ERBB2: variants seen among roughly 807,000 people sequenced by gnomAD.
ERBB2 encodes erb-b2 receptor tyrosine kinase 2, also known as receptor tyrosine-protein kinase erbB-2.
In ERBB2, 61 loss-of-function variants were observed where a neutral mutation model predicts 149.0. That is an observed-to-expected ratio of 0.41 (90% CI 0.33 to 0.51). ERBB2 has a LOEUF of 0.51. ERBB2 is among the 20% of genes least tolerant of loss of function. The pLI, the probability that ERBB2 is intolerant of heterozygous loss-of-function variation, is 0.25. For missense variants in ERBB2, 1,205 were observed against 1,655.1 expected (o/e 0.73, Z 4.72); for synonymous variants, 633 against 678.8 (o/e 0.93, Z 1.05).
Position 39,727,871 on chromosome 17 carries a change from C to A in ERBB2, c.3595C>A (p.Pro1199Thr), listed in dbSNP as rs779469693. 5.0e-6 allele frequency: 8 copies of A among 1,614,006 alleles called. No individual in the cohort carries two copies. The South Asian group carries it at 8.8e-5, about 18-fold the overall frequency. The change falls in exon 27 of 27, where the codon CCC becomes ACC. Residue 1199 changes from proline to threonine, a missense_variant. Physicochemically the swap from Pro to Thr is conservative, Grantham distance 38. Around this residue, in one of 6 missense-constraint regions of ERBB2, gnomAD observed 312 missense variants for 343.8 expected, o/e 0.91. Coordinates refer to ENST00000269571, the MANE Select transcript of ERBB2 (RefSeq NM_004448.4). The surrounding 1 kb of genome is among the most constrained non-coding windows in gnomAD (Gnocchi z 4.3). ...GAVENPEYLT[P>T]QGGAAPQPHP... is the part of the protein sequence containing the mutation. ...CGTGGAGAACCCCGAGTACTTGACA[C>A]CCCAGGGAGGAGCTGCCCCTCAGCC...
At chr17:39,706,923 A>G in intron 1 of ERBB2, 67 bp from the exon 2 acceptor site, 3 of 1,415,162 alleles carry the variant, frequency 2.1e-6, no homozygotes, top group Non-Finnish European at 2.8e-6. Context: ...GTGAGTTTGG[A>G]TGGGGTGGCC....
rs112561362 is a variant in ERBB2 at position 39,727,717 on chromosome 17, C to G, written c.3441C>G (p.Pro1147=). Residue 1147 remains proline (P), a synonymous_variant, in exon 27 of 27, where the codon CCC becomes CCG. Transcript: ENST00000269571. This position sits in a 1 kb window ranked among gnomAD's most constrained non-coding sequence, Gnocchi z 4.3. ...ATGTGAACCAGCCAGATGTTCGGCC[C>G]CAGCCCCCTTCGCCCCGAGAGGGCC... ...PEYVNQPDVR[P]QPPSPREGPL... is the part of the protein sequence containing the mutation. The G allele has an allele frequency of 1.3e-6, 2 of 1,567,572 alleles. No homozygotes were observed. Among genetic ancestry groups the G allele is most frequent in the African/African-American group, 2.7e-5 (2 of 73,738 alleles).
chr17:39,725,168 C>T lies in ERBB2; in HGVS notation c.2613C>T (p.Asp871=), dbSNP rs2145866914. The T allele has an allele frequency of 6.2e-7, 1 of 1,614,098 alleles. No homozygotes were observed. Among genetic ancestry groups the T allele is most frequent in the Non-Finnish European group, 8.5e-7 (1 of 1,180,034 alleles). ...ACTTCGGGCTGGCTCGGCTGCTGGA[C>T]ATTGACGAGACAGAGTACCATGCAG... ...ITDFGLARLL[D]IDETEYHADG... The change falls in exon 21 of 27, where the codon GAC becomes GAT. Residue 871 remains aspartate, a synonymous_variant. Transcript: ENST00000269571. The surrounding 1 kb of genome is among the most constrained non-coding windows in gnomAD (Gnocchi z 4.6).
At chr17:39,717,694 C>T in intron 15 of ERBB2, 1 of 454,724 alleles carries the variant, frequency 2.2e-6, no homozygotes, top group South Asian at 4.5e-5. Flanking sequence ...AAATATTTTT[C>T]CTCTAGTTAT....
At chr17:39,708,624 A>G in intron 3 of ERBB2, 90 bp downstream of exon 3, 4 of 1,025,388 alleles carry the variant, frequency 3.9e-6, no homozygotes, top group Non-Finnish European at 6.0e-6. Context: ...TGTGCATTAG[A>G]AATGGTGTCC....
upstream of ERBB2, among the ~76,000 whole-genome samples, chr17:39,691,556 A>AT (rs1555611661): frequency 0.045 from 3,767 of 84,126 alleles, 143 homozygotes; most frequent in East Asian, 0.05. Flanking sequence ...TAAAAAAAAA[A>AT]ATATATATAT....
At chr17:39,720,825 T>C (rs1231304323) in intron 16 of ERBB2, among the ~76,000 whole-genome samples, 1 of 152,126 alleles carries the variant, frequency 6.6e-6, no homozygotes, top group African/African-American at 2.4e-5. Flanking sequence ...AATTTTTGTA[T>C]TTTTAGTAGA....
At chr17:39,711,438 C>A (rs1041305663) in intron 7 of ERBB2, among the ~76,000 whole-genome samples, 2 of 151,970 alleles carry the variant, frequency 1.3e-5, no homozygotes, top group African/African-American at 4.8e-5. Flanking sequence ...GTGATCCACC[C>A]GCCTTGGTCT....
At chr17:39,694,294 TATATATGTGTATATATATATACAC>T (rs1420529677), upstream of ERBB2, among the ~76,000 whole-genome samples, 1 of 52,926 alleles carries the variant, frequency 1.9e-5, no homozygotes, top group Non-Finnish European at 4.2e-5. Context: ...TATATACACA[TATATATGTGTATATATATATACAC>T]ACACACATAT....
At chr17:39,694,427 G>A (rs1291340979), upstream of ERBB2, among the ~76,000 whole-genome samples, 1 of 150,740 alleles carries the variant, frequency 6.6e-6, no homozygotes, top group African/African-American at 2.4e-5. Context: ...TAGCACTGGT[G>A]GAGGGGTAGT....
intron 15 of ERBB2, chr17:39,717,790 A>ACACAC: frequency 5.8e-6 from 1 of 171,216 alleles, no homozygotes; most frequent in Non-Finnish European, 1.2e-5. Flanking sequence ...TGCACATTTT[A>ACACAC]ACACACACAC....
chr17:39,711,997 C>A lies in ERBB2; in HGVS notation c.971C>A (p.Ala324Glu). 6.2e-7 allele frequency: 1 copy of A among 1,614,138 alleles called. No individual in the cohort carries two copies. Among genetic ancestry groups the A allele is most frequent in the Non-Finnish European group, 8.5e-7 (1 of 1,180,014 alleles). ...VCPLHNQEVT[A>E]EDGTQRCEKC... ...CCCCTGCACAACCAAGAGGTGACAG[C>A]AGAGGATGGAACACAGCGGTGTGAG... Residue 324 changes from alanine (A) to glutamate (E), a missense_variant, in exon 8 of 27, where the codon GCA (alanine) becomes GAA (glutamate). This residue lies in a region of ERBB2 where 569 missense variants were observed against 803.5 expected (regional missense o/e 0.71). Coordinates refer to ENST00000269571, the MANE Select transcript of ERBB2 (RefSeq NM_004448.4).
intron 1 of ERBB2, among the ~76,000 whole-genome samples, chr17:39,702,160 T>C (rs1207716779): frequency 6.6e-6 from 1 of 152,218 alleles, no homozygotes; most frequent in Non-Finnish European, 1.5e-5. Flanking sequence ...ATTAGTTGGA[T>C]GTGATTACAC....
chr17:39,712,465 T>C lies in ERBB2; in HGVS notation c.1148+17T>C. The C allele has an allele frequency of 6.2e-7, 1 of 1,612,286 alleles. No individual in the cohort carries two copies. Among genetic ancestry groups the C allele is most frequent in the South Asian group, 1.1e-5 (1 of 90,604 alleles). ...CTTTGATGGGTAAGAGTGGGCACGA[T>C]GACCTGAGACAGTGTCAGGGCAGAC... On this transcript the variant is annotated intron_variant, in intron 9 of 26. Transcript: ENST00000269571.
chr17:39,703,656 G>A (rs914842596), intron 1 of ERBB2, among the ~76,000 whole-genome samples: 5 of 152,356 alleles, frequency 3.3e-5, no homozygotes, highest in East Asian at 1.9e-4. Context: ...AGATGAATCC[G>A]ATTTAGCTTC....
intron 5 of ERBB2, 94 bp from the exon 6 acceptor site, chr17:39,709,991 TC>T: frequency 6.7e-7 from 1 of 1,496,244 alleles, no homozygotes; most frequent in African/African-American, 1.4e-5. Flanking sequence ...TTGGGATGTC[TC>T]CCCTGGGCCA....
At chr17:39,709,291 GTCC>G in intron 3 of ERBB2, 24 bp from the exon 4 acceptor site, 1 of 1,613,722 alleles carries the variant, frequency 6.2e-7, no homozygotes, top group East Asian at 2.2e-5. Context: ...AGGGGAAAGG[GTCC>G]TCTGATCATT....
upstream of ERBB2, among the ~76,000 whole-genome samples, chr17:39,690,861 TAG>T (rs2057679464): frequency 6.6e-6 from 1 of 152,034 alleles, no homozygotes; most frequent in Non-Finnish European, 1.5e-5. Context: ...ATGTTAATAG[TAG>T]AGTGTGCTGG....
rs902076377 is a variant in ERBB2, at chr17:39,727,664, G to A, written c.3413-25G>A. On this transcript the variant is annotated intron_variant, in intron 26 of 26. Coordinates refer to ENST00000269571, the MANE Select transcript of ERBB2 (RefSeq NM_004448.4). The surrounding 1 kb of genome is among the most constrained non-coding windows in gnomAD (Gnocchi z 4.3). ...AGACACCGGGGTTCCTTCCCCTAAT[G>A]GGTCACCTTCTCTTGACCTTTCAGA... The A allele has an allele frequency of 3.2e-6, 5 of 1,544,656 alleles. No individual in the cohort carries two copies. Among genetic ancestry groups the A allele is most frequent in the Non-Finnish European group, 4.4e-6 (5 of 1,147,080 alleles).
Sources: gnomAD v4.1 joint callset for allele counts (sites outside exome capture counted in the v4.1 genomes callset) on GRCh38, gnomAD v4.1.1 for gene constraint, gnomAD v4.1.1 regional missense constraint, Gnocchi (gnomAD v3.1) non-coding constraint, MANE v1.5 for transcripts, NCBI Gene and HGNC (gene_info 2026-07-23, HGNC 2026-07-21) for gene names.